Variants in DDHD1 observed in about 807,000 individuals in gnomAD.
DDHD1 encodes phospholipase DDHD1.
DDHD1 carries 49 observed loss-of-function variants against 96.4 expected under a neutral mutation model. The observed-to-expected ratio is 0.51, with a 90% CI of 0.40 to 0.64. DDHD1 has a LOEUF of 0.64. Ranked by LOEUF, DDHD1 falls within the 30% of genes least tolerant of loss-of-function variation. The pLI is 0.00. For synonymous variants in DDHD1, 442 were observed against 446.5 expected, an observed-to-expected ratio of 0.99 and a Z score of 0.13; for missense variants, 1,106 against 1,161.2, an observed-to-expected ratio of 0.95 and a Z score of 0.69.
chr14:53,066,859 C>T (rs548278719), intron 6 of DDHD1, among the ~76,000 whole-genome samples: 2 of 150,616 alleles, frequency 1.3e-5, no homozygotes, highest in East Asian at 4.0e-4. Flanking sequence ...CCCAGCTACT[C>T]AGGAGCCTAA....
At chr14:53,091,725 A>C in intron 4 of DDHD1, 60 bp downstream of exon 4, 1 of 1,547,850 alleles carries the variant, frequency 6.5e-7, no homozygotes, top group Non-Finnish European at 8.8e-7. Flanking sequence ...TATCTCTTAT[A>C]CCCTGGATCA....
At chr14:53,134,471 T>C (rs1890087432) in intron 1 of DDHD1, among the ~76,000 whole-genome samples, 1 of 151,952 alleles carries the variant, frequency 6.6e-6, no homozygotes, top group Admixed American at 6.6e-5. Context: ...TCCCCGGCTA[T>C]CTCCACCACA....
chr14:53,098,746 T>C (rs561821414), intron 2 of DDHD1, among the ~76,000 whole-genome samples: 4 of 152,206 alleles, frequency 2.6e-5, no homozygotes, highest in African/African-American at 9.6e-5. Context: ...TTTATTCAGC[T>C]ACAGTGATAG....
At chr14:53,126,115 C>A (rs1305983047) in intron 1 of DDHD1, among the ~76,000 whole-genome samples, 3 of 152,158 alleles carry the variant, frequency 2.0e-5, no homozygotes, top group African/African-American at 4.8e-5. Context: ...ACAGTCCTTG[C>A]ATAAGTGATC....
chr14:53,091,724 T>C, intron 4 of DDHD1, 61 bp downstream of exon 4: 2 of 1,546,098 alleles, frequency 1.3e-6, no homozygotes, highest in Non-Finnish European at 1.8e-6. Flanking sequence ...ATATCTCTTA[T>C]ACCCTGGATC....
chr14:53,065,271 C>A (rs1883925284), intron 6 of DDHD1, among the ~76,000 whole-genome samples: 1 of 152,132 alleles, frequency 6.6e-6, no homozygotes, highest in Non-Finnish European at 1.5e-5. Flanking sequence ...AGAGTTAGTC[C>A]TTTGTTCTCC....
At chr14:53,131,740 T>C (rs1230653107) in intron 1 of DDHD1, among the ~76,000 whole-genome samples, 1 of 152,134 alleles carries the variant, frequency 6.6e-6, no homozygotes, top group Non-Finnish European at 1.5e-5. Flanking sequence ...CTCAACTTAT[T>C]AAGCATTTTG....
intron 1 of DDHD1, among the ~76,000 whole-genome samples, chr14:53,109,632 T>C (rs1361818875): frequency 6.6e-6 from 1 of 152,182 alleles, no homozygotes; most frequent in South Asian, 2.1e-4. Context: ...TTACAGCTTT[T>C]GGGGAGGACA....
At chr14:53,048,688 T>C (rs1882265454) in intron 12 of DDHD1, 2 of 152,162 alleles carry the variant, frequency 1.3e-5, no homozygotes, top group Admixed American at 1.3e-4. Flanking sequence ...CAATAACAAG[T>C]CAGAAATAGC....
chr14:53,151,253 G>C (rs1249093984), intron 1 of DDHD1, among the ~76,000 whole-genome samples: 1 of 152,180 alleles, frequency 6.6e-6, no homozygotes, highest in Non-Finnish European at 1.5e-5. Flanking sequence ...AGGATCTAAA[G>C]GTTGTCACAA....
At chr14:53,076,369 C>A (rs115230142) in intron 4 of DDHD1, among the ~76,000 whole-genome samples, 2 of 152,226 alleles carry the variant, frequency 1.3e-5, no homozygotes, top group Non-Finnish European at 2.9e-5. Flanking sequence ...AGCAAGAGAA[C>A]TAAAATAAGC....
At chr14:53,071,593 A>G (rs1235713186) in intron 6 of DDHD1, among the ~76,000 whole-genome samples, 2 of 152,104 alleles carry the variant, frequency 1.3e-5, no homozygotes, top group Non-Finnish European at 2.9e-5. Flanking sequence ...CTGATTCAGT[A>G]TATGTATATA....
intron 1 of DDHD1, among the ~76,000 whole-genome samples, chr14:53,105,482 T>C (rs966492847): frequency 1.3e-5 from 2 of 152,212 alleles, no homozygotes; most frequent in African/African-American, 4.8e-5. Context: ...TGTCATTTGG[T>C]ACCTAGATAC....
Position 53,055,859 on chromosome 14 carries a change from G to C in DDHD1, c.2046C>G (p.Val682=). 6.2e-7 allele frequency: 1 copy of C among 1,613,438 alleles called. No homozygotes were observed. The change falls in exon 10 of 13, where the codon GTC becomes GTG. Residue 682 remains valine (V), a synonymous_variant. Coordinates refer to ENST00000673822, the MANE Select transcript of DDHD1 (RefSeq NM_001160148.2). The part of the protein sequence containing the change: ...ILKHYSNISP[V]QIHWYNTSNP... Reference sequence around the variant, plus strand: ...TTGAAGTATTGTACCAGTGGATCTGGACAGGTGAAATGTTGCTGTAGTGTT... The same window carrying C: ...TTGAAGTATTGTACCAGTGGATCTGCACAGGTGAAATGTTGCTGTAGTGTT...
chr14:53,118,816 A>G (rs1460332484), intron 1 of DDHD1, among the ~76,000 whole-genome samples: 1 of 152,194 alleles, frequency 6.6e-6, no homozygotes, highest in East Asian at 1.9e-4. Context: ...AGAGAACACC[A>G]TAAAGATCCT....
At chr14:53,152,143 C>T in intron 1 of DDHD1, 118 bp downstream of exon 1, 1 of 1,099,670 alleles carries the variant, frequency 9.1e-7, no homozygotes, top group South Asian at 1.7e-5. Context: ...CCTGCCCCAG[C>T]CAAACGCCAG....
chr14:53,122,977 C>G (rs1167867517), intron 1 of DDHD1, among the ~76,000 whole-genome samples: 2 of 151,810 alleles, frequency 1.3e-5, no homozygotes, highest in Non-Finnish European at 2.9e-5. Context: ...GTTAACAAAA[C>G]TATAATGTAA....
chr14:53,152,372 C>G lies in DDHD1; in HGVS notation c.727G>C (p.Gly243Arg). 1 of 1,613,878 alleles carries G rather than the reference C, an allele frequency of 6.2e-7. No individual in the cohort carries two copies. Among genetic ancestry groups the G allele is most frequent in the Non-Finnish European group, 8.5e-7 (1 of 1,179,976 alleles). The change falls in exon 1 of 13, where the codon GGG (glycine) becomes CGG (arginine). Residue 243 changes from glycine (G) to arginine (R), a missense_variant. Gly to Arg is a moderately radical substitution (Grantham distance 125). Coordinates refer to ENST00000673822, the MANE Select transcript of DDHD1 (RefSeq NM_001160148.2). ...AGCTCCACCATCTCCGGCTCGTGCC[C>G]CGTCGTACTCTGGCAGAAGCCGCAG... ...RACGFCQSTT[G>R]HEPEMVELVN...
At chr14:53,138,336 T>TG (rs1890385687) in intron 1 of DDHD1, among the ~76,000 whole-genome samples, 3 of 152,144 alleles carry the variant, frequency 2.0e-5, no homozygotes, top group African/African-American at 7.2e-5. Flanking sequence ...GCCCTGGAGA[T>TG]GGAGGCTGCA....
Sources: allele counts gnomAD v4.1 joint callset (sites outside exome capture counted in the v4.1 genomes callset), GRCh38; gene constraint gnomAD v4.1.1; transcripts MANE v1.5; gene names NCBI Gene and HGNC (gene_info 2026-07-23, HGNC 2026-07-21).